The following PRKAR1B variants were observed in gnomAD, a reference collection of about 807,000 sequenced individuals.
PRKAR1B encodes the protein cAMP-dependent protein kinase type I-beta regulatory subunit.
A neutral mutation model predicts 46.5 loss-of-function variants in PRKAR1B; 22 were observed. The observed-to-expected ratio is 0.47, with a 90% CI of 0.34 to 0.68. The LOEUF (loss-of-function observed/expected upper bound fraction) is 0.68, where lower values mean the gene tolerates loss of function less well. Among genes scored for constraint, PRKAR1B ranks in the 30% least tolerant of loss-of-function variants. The pLI is 0.01. For synonymous variants in PRKAR1B, 259 were observed against 217.7 expected, an observed-to-expected ratio of 1.19 and a Z score of -1.67; for missense variants, 445 against 535.6, an observed-to-expected ratio of 0.83 and a Z score of 1.67.
At chr7:636,683 C>G (rs149170864) in intron 4 of PRKAR1B, among the ~76,000 whole-genome samples, 1 of 152,256 alleles carries the variant, frequency 6.6e-6, no homozygotes, top group Non-Finnish European at 1.5e-5. Flanking sequence ...GCAGCTCAGA[C>G]AGAAGCATTT....
At chr7:556,606 C>G (rs760369666) in intron 9 of PRKAR1B, among the ~76,000 whole-genome samples, 13 of 152,232 alleles carry the variant, frequency 8.5e-5, no homozygotes, top group Non-Finnish European at 1.5e-4. Flanking sequence ...GGGGTCGGTC[C>G]CCGAGGCGTC....
chr7:609,982 ATCC>A (rs1218473857), intron 4 of PRKAR1B, among the ~76,000 whole-genome samples: 3 of 152,066 alleles, frequency 2.0e-5, no homozygotes, highest in Non-Finnish European at 2.9e-5. Flanking sequence ...ACCTCAAGCA[ATCC>A]TCCTACCTTG....
At chr7:724,216 C>A (rs66886645) in intron 1 of PRKAR1B, among the ~76,000 whole-genome samples, 54,405 of 151,986 alleles carry the variant, frequency 0.36, 9,908 homozygotes, top group South Asian at 0.49. Flanking sequence ...CTCCCACCTC[C>A]GCCCTTTCAC....
chr7:640,632 A>G (rs1784338436), intron 4 of PRKAR1B, among the ~76,000 whole-genome samples: 1 of 152,006 alleles, frequency 6.6e-6, no homozygotes, highest in Admixed American at 6.6e-5. Context: ...GTGTGGTGGC[A>G]GCTGCCTGTA....
At chr7:595,569 C>T (rs1233472644) in intron 7 of PRKAR1B, among the ~76,000 whole-genome samples, 4 of 152,294 alleles carry the variant, frequency 2.6e-5, no homozygotes, top group Admixed American at 1.3e-4. Flanking sequence ...CACGAGCTCA[C>T]CTCCAGGAGC....
intron 2 of PRKAR1B, among the ~76,000 whole-genome samples, chr7:682,742 C>CAA (rs879378136): frequency 4.0e-5 from 5 of 124,826 alleles, no homozygotes; most frequent in Non-Finnish European, 5.2e-5. Flanking sequence ...GACTCTGTCT[C>CAA]AAAAAAAAAA....
chr7:707,521 G>C (rs1162526619), intron 2 of PRKAR1B, among the ~76,000 whole-genome samples: 1 of 151,978 alleles, frequency 6.6e-6, no homozygotes, highest in Non-Finnish European at 1.5e-5. Context: ...TCCGTGAATC[G>C]TGTCCCCAGA....
At chr7:656,797 G>A (rs1158756513) in intron 4 of PRKAR1B, among the ~76,000 whole-genome samples, 3 of 152,160 alleles carry the variant, frequency 2.0e-5, no homozygotes, top group Non-Finnish European at 4.4e-5. Context: ...GGATGCATGA[G>A]TGAATGTGTG....
chr7:652,347 A>C (rs1342695413), intron 4 of PRKAR1B, among the ~76,000 whole-genome samples: 1 of 147,682 alleles, frequency 6.8e-6, no homozygotes, highest in Non-Finnish European at 1.5e-5. Context: ...GTTCACACCC[A>C]CACAGAGCTA....
intron 4 of PRKAR1B, among the ~76,000 whole-genome samples, chr7:625,072 C>A (rs548023165): frequency 1.3e-5 from 2 of 152,040 alleles, no homozygotes; most frequent in Non-Finnish European, 2.9e-5. Context: ...GCTCTCACAC[C>A]GGAAGTGAAT....
intron 7 of PRKAR1B, among the ~76,000 whole-genome samples, chr7:592,748 G>A (rs144394767): frequency 0.018 from 2,666 of 152,282 alleles, 79 homozygotes; most frequent in African/African-American, 0.06. Flanking sequence ...AAATCAGGCC[G>A]GATACGGTGG....
chr7:726,621 C>G (rs933657556), intron 1 of PRKAR1B: 4 of 959,402 alleles, frequency 4.2e-6, no homozygotes, highest in South Asian at 5.2e-5. Flanking sequence ...GAGGAAGTAG[C>G]CCGGCGCCCC....
chr7:648,763 C>A (rs1583354367), intron 4 of PRKAR1B, among the ~76,000 whole-genome samples: 1 of 151,532 alleles, frequency 6.6e-6, no homozygotes. Context: ...GCCTGGGTGA[C>A]AAGAGTAAGA....
At chr7:682,288 G>C (rs1343281476) in intron 2 of PRKAR1B, among the ~76,000 whole-genome samples, 1 of 152,202 alleles carries the variant, frequency 6.6e-6, no homozygotes, top group South Asian at 2.1e-4. Flanking sequence ...CCCTGGCATC[G>C]TAGTAAGAAG....
rs1045375374 is a variant in PRKAR1B at position 606,319 on chromosome 7, G to A, written c.503-80C>T. On this transcript the variant is annotated intron_variant, in intron 5 of 10. Coordinates refer to ENST00000537384, the MANE Select transcript of PRKAR1B (RefSeq NM_001164760.2). ...ACAGTTTCTCTTGCAAACGACTTTC[G>A]CAACACTGTTGCAGAGACCCTCGAA... 116 of 1,377,556 alleles carry A rather than the reference G, an allele frequency of 8.4e-5. No individual in the cohort carries two copies. In the Admixed American group the frequency reaches 1.6e-3, roughly 19 times the overall value. The allele number at this position is 1,377,556 out of a possible 1,614,324, so 85.3% of individuals were successfully genotyped here. A position where few individuals can be genotyped will look rare whatever the true frequency, so the allele number is the denominator to read the frequency against.
At chr7:699,356 G>A (rs1312118124) in intron 2 of PRKAR1B, among the ~76,000 whole-genome samples, 3 of 152,110 alleles carry the variant, frequency 2.0e-5, no homozygotes, top group Non-Finnish European at 4.4e-5. Flanking sequence ...CCTGCACTGG[G>A]AGGCACTGAG....
chr7:692,798 G>A (rs542210727), intron 2 of PRKAR1B, among the ~76,000 whole-genome samples: 1 of 152,308 alleles, frequency 6.6e-6, no homozygotes, highest in Admixed American at 6.5e-5. Flanking sequence ...CAGTCAGGGA[G>A]AGGGCAAGAG....
chr7:689,702 C>T (rs1246727285), intron 2 of PRKAR1B, among the ~76,000 whole-genome samples: 1 of 151,236 alleles, frequency 6.6e-6, no homozygotes, highest in East Asian at 2.0e-4. Flanking sequence ...TTTTTTGAGA[C>T]AGAGTATCGT....
intron 2 of PRKAR1B, chr7:691,827 GT>G: frequency 3.4e-6 from 4 of 1,181,908 alleles, no homozygotes; most frequent in Non-Finnish European, 4.3e-6. Flanking sequence ...TCCCTGCCAA[GT>G]AAACACCTCA....
Sources: allele counts gnomAD v4.1 joint callset (sites outside exome capture counted in the v4.1 genomes callset), GRCh38; gene constraint gnomAD v4.1.1; transcripts MANE v1.5; gene names NCBI Gene and HGNC (gene_info 2026-07-23, HGNC 2026-07-21).